TRPM1: variants seen among roughly 807,000 people sequenced by gnomAD.
The protein encoded by TRPM1 is transient receptor potential cation channel subfamily M member 1.
In TRPM1, 113 loss-of-function variants were observed where a neutral mutation model predicts 149.4. The observed-to-expected ratio is 0.76, with a 90% CI of 0.65 to 0.88. The LOEUF is 0.88. TRPM1 is among the 40% of genes least tolerant of loss of function. TRPM1 has a pLI of 0.00. For missense variants in TRPM1, 1,976 were observed against 2,038.7 expected (o/e 0.97, Z 0.59); for synonymous variants, 741 against 759.5 (o/e 0.98, Z 0.40).
chr15:31,147,520 A>T (rs1213831308), intron 1 of TRPM1, among the ~76,000 whole-genome samples: 1 of 152,232 alleles, frequency 6.6e-6, no homozygotes, highest in African/African-American at 2.4e-5. Flanking sequence ...AGGCCCAGAG[A>T]GGTGGAGCAG....
chr15:31,160,811 C>A lies in TRPM1; in HGVS notation c.54+95G>T, dbSNP rs577114196. 5.0e-6 allele frequency: 7 copies of A among 1,396,418 alleles called. No homozygotes were observed. In the Admixed American group the frequency reaches 1.4e-4, roughly 28 times the overall value. The allele number at this position is 1,396,418 out of a possible 1,614,324, so 86.5% of individuals were successfully genotyped here. A position where few individuals can be genotyped will look rare whatever the true frequency, so the allele number is the denominator to read the frequency against. On this transcript the variant is annotated intron_variant, in intron 1 of 26. Coordinates refer to the TRPM1 transcript ENST00000542188. ...CAGCACAGTTTGGGAGGACAGGACC[C>A]GCTGGGCCAGCACTCTGAGATGACA...
At chr15:31,039,677 A>G (rs746402847) in intron 18 of TRPM1, among the ~76,000 whole-genome samples, 6 of 152,182 alleles carry the variant, frequency 3.9e-5, no homozygotes, top group Non-Finnish European at 7.3e-5. Flanking sequence ...CTCCCATGTC[A>G]TGAAAACATC....
chr15:31,156,327 A>G (rs924738689), intron 1 of TRPM1, among the ~76,000 whole-genome samples: 1 of 151,910 alleles, frequency 6.6e-6, no homozygotes, highest in Admixed American at 6.6e-5. Context: ...TTCTATTAAC[A>G]TAATAGAGCT....
rs2036289648 is a variant in TRPM1 at position 31,150,679 on chromosome 15, C to A, written c.54+10227G>T. On this transcript the variant is annotated intron_variant, in intron 1 of 26. Coordinates refer to the TRPM1 transcript ENST00000542188. ...TCAAACTCCTGACCTCGTGATCCAC[C>A]CGCCTCAGCCTCCCAAAGTGCTGGG... Among the ~76,000 whole-genome samples the A allele has an allele frequency of 3.3e-5, 5 of 152,146 alleles. No homozygotes were observed. In the South Asian group the frequency reaches 1.0e-3, roughly 31 times the overall value.
chr15:31,076,460 A>C (rs1453511756), intron 3 of TRPM1, among the ~76,000 whole-genome samples: 1 of 152,218 alleles, frequency 6.6e-6, no homozygotes, highest in Non-Finnish European at 1.5e-5. Flanking sequence ...GTAGGTGAAT[A>C]AAATTGTTGG....
At chr15:31,107,863 C>T (rs1218589168) in intron 1 of TRPM1, among the ~76,000 whole-genome samples, 23 of 143,724 alleles carry the variant, frequency 1.6e-4, no homozygotes, top group Admixed American at 9.7e-4. Flanking sequence ...CTTTTCTTTT[C>T]TTTTTTTTTT....
chr15:31,014,979 G>T (rs1442004781), intron 27 of TRPM1, among the ~76,000 whole-genome samples: 11 of 150,652 alleles, frequency 7.3e-5, no homozygotes, highest in Non-Finnish European at 4.4e-5. Context: ...TGGATTTCCT[G>T]CACCTGACTT....
At chr15:31,104,630 GT>G (rs2035574329), upstream of TRPM1, among the ~76,000 whole-genome samples, 1 of 114,914 alleles carries the variant, frequency 8.7e-6, no homozygotes. Context: ...GTCTTGCTCT[GT>G]TGCCCAGGCT....
chr15:31,012,591 G>A (rs1462625438), intron 27 of TRPM1, among the ~76,000 whole-genome samples: 2 of 152,132 alleles, frequency 1.3e-5, no homozygotes, highest in African/African-American at 4.8e-5. Context: ...AATTGGTATG[G>A]ATCTCCTTGA....
rs2032788974 is a variant in TRPM1, at chr15:31,026,910, C to T, written c.3496+5G>A. The T allele has an allele frequency of 2.5e-6, 4 of 1,613,294 alleles. No homozygotes were observed. Among genetic ancestry groups the T allele is most frequent in the East Asian group, 4.5e-5 (2 of 44,896 alleles). ...CAACTTAGAAATGAAGAGCCCTGCA[C>T]ATACTCAATCCACGATCCCGTTCCT... On this transcript the variant is annotated splice_donor_5th_base_variant and intron_variant, in intron 26 of 27. Transcript: ENST00000256552.
At chr15:31,119,606 CTTT>C (rs1004330358) in intron 1 of TRPM1, among the ~76,000 whole-genome samples, 6 of 152,130 alleles carry the variant, frequency 3.9e-5, no homozygotes, top group African/African-American at 1.4e-4. Context: ...AAAGTAAAAC[CTTT>C]TATTTTTTCT....
rs749721389 is a variant in TRPM1, at chr15:31,032,813, T to C, written c.2828A>G (p.Gln943Arg). The part of the protein sequence containing the change: ...MIGAILRLQN[Q>R]PYMGYGRVIY... Reference sequence around the variant, plus strand: ...CACCCGGCCATAGCCCATGTAGGGCTGGTTCTGTAGGCGAAGAATTGCTCC... The same window carrying C: ...CACCCGGCCATAGCCCATGTAGGGCCGGTTCTGTAGGCGAAGAATTGCTCC... Residue 943 changes from glutamine (Q) to arginine (R), a missense_variant, in exon 22 of 28, where the codon CAG (glutamine) becomes CGG (arginine). Physicochemically the swap from Gln to Arg is conservative, Grantham distance 43. This residue lies in a region of TRPM1 where 1,332 missense variants were observed against 1,347.1 expected (regional missense o/e 0.99). Transcript: ENST00000256552. 1 of 1,614,210 alleles carries C rather than the reference T, an allele frequency of 6.2e-7. No individual in the cohort carries two copies. The highest frequency in any genetic ancestry group is 8.5e-7 in the Non-Finnish European group (1 of 1,180,044).
rs371853965 is a variant in TRPM1 at position 31,050,432 on chromosome 15, G to A, written c.1414C>T (p.Arg472Trp). The A allele has an allele frequency of 1.2e-4, 190 of 1,614,018 alleles. 1 individual carries two copies. Among genetic ancestry groups the A allele is most frequent in the Non-Finnish European group, 1.5e-4 (178 of 1,179,988 alleles). The change falls in exon 12 of 28, where the codon CGG becomes TGG. Residue 472 changes from arginine (R) to tryptophan (W), a missense_variant. By Grantham distance (101) the Arg-to-Trp change is moderately radical (BLOSUM62 -3). This residue lies in a region of TRPM1 where 1,332 missense variants were observed against 1,347.1 expected (regional missense o/e 0.99). Coordinates refer to ENST00000256552, the MANE Select transcript of TRPM1 (RefSeq NM_001252024.2). ...ACCCAGTTCAGCAGCTCTATCTTCC[G>A]GGGGTCAGTTTCTTCCTCCACTTCC... ...KEEVEEETDP[R>W]KIELLNWVNA...
In TRPM1 at chr15:31,060,637, G is replaced by T. The variant is rs761827027; in HGVS notation, c.1170C>A (p.Asn390Lys). ...AGCTCAGCTGATCTGGAGCAGATAC[G>T]TTTGTTCCTGGAAAGGCAAGAAACC... ...AILTALLKGT[N>K]VSAPDQLSLA... Residue 390 changes from asparagine to lysine, a missense_variant, in exon 11 of 28, where the codon AAC becomes AAA. By Grantham distance (94) the Asn-to-Lys change is moderately conservative. Transcript: ENST00000256552. The T allele has an allele frequency of 1.2e-6, 2 of 1,613,870 alleles. No homozygotes were observed. The highest frequency in any genetic ancestry group is 8.5e-7 in the Non-Finnish European group (1 of 1,179,876).
intron 1 of TRPM1, among the ~76,000 whole-genome samples, chr15:31,158,227 T>TTA (rs1454155787): frequency 6.6e-6 from 1 of 152,160 alleles, no homozygotes; most frequent in Non-Finnish European, 1.5e-5. Flanking sequence ...TGCACCACTG[T>TTA]TACAGGACAG....
chr15:31,050,384 G>T, intron 12 of TRPM1, 25 bp downstream of exon 12: 1 of 1,614,106 alleles, frequency 6.2e-7, no homozygotes, highest in Non-Finnish European at 8.5e-7. Flanking sequence ...TGCCAAGCTC[G>T]TGATCTCTGT....
chr15:31,063,289 A>G lies in TRPM1; in HGVS notation c.794T>C (p.Leu265Pro), dbSNP rs780886004. The G allele has an allele frequency of 6.2e-7, 1 of 1,614,052 alleles. No individual in the cohort carries two copies. The highest frequency in any genetic ancestry group is 8.5e-7 in the Non-Finnish European group (1 of 1,179,996). Residue 265 changes from leucine (L) to proline (P), a missense_variant, in exon 8 of 28, where the codon CTG (leucine) becomes CCG (proline). Coordinates refer to ENST00000256552, the MANE Select transcript of TRPM1 (RefSeq NM_001252024.2). ...HISLQKINTR[L>P]GQGVPLVGLV... Reference sequence around the variant, plus strand: ...ACCCACGAGGGGCACGCCCTGCCCCAGTCCTGCAACACAAACCACATTCGC... The same window carrying G: ...ACCCACGAGGGGCACGCCCTGCCCCGGTCCTGCAACACAAACCACATTCGC...
rs561868477 is a variant in TRPM1 at position 31,150,310 on chromosome 15, C to T, written c.54+10596G>A. Among the ~76,000 whole-genome samples, 3 of 152,256 alleles carry T rather than the reference C, an allele frequency of 2.0e-5. No individual in the cohort carries two copies. The East Asian group carries it at 5.8e-4, about 29-fold the overall frequency. The stretch of plus-strand genomic sequence containing the variant: ...CCCTTTGGTTTGGAGCTGGGCATGC[C>T]CTCAGGCTGGCGTTCCCAGGTGCAT... On this transcript the variant is annotated intron_variant, in intron 1 of 26. Coordinates refer to the TRPM1 transcript ENST00000542188.
chr15:31,159,269 A>G (rs1047482817), intron 1 of TRPM1, among the ~76,000 whole-genome samples: 5 of 152,138 alleles, frequency 3.3e-5, no homozygotes, highest in African/African-American at 4.8e-5. Context: ...TACCCATTGC[A>G]ATTTCAAGGC....
Sources: allele counts gnomAD v4.1 joint callset (sites outside exome capture counted in the v4.1 genomes callset), GRCh38; gene constraint gnomAD v4.1.1; regional missense constraint gnomAD v4.1.1; transcripts MANE v1.5; gene names NCBI Gene and HGNC (gene_info 2026-07-23, HGNC 2026-07-21).